PDZD2: variants seen among roughly 807,000 people sequenced by gnomAD.
PDZD2 encodes PDZ domain-containing protein 2.
In PDZD2, 90 loss-of-function variants were observed where a neutral mutation model predicts 220.7. The ratio of observed to expected loss-of-function variants is 0.41; its 90% CI spans 0.34 to 0.49. The LOEUF (loss-of-function observed/expected upper bound fraction) is 0.49, where lower values mean the gene tolerates loss of function less well. PDZD2 is among the 20% of genes least tolerant of loss of function. The pLI is 0.28. For synonymous variants in PDZD2, 1,375 were observed against 1,450.5 expected, an observed-to-expected ratio of 0.95 and a Z score of 1.18; for missense variants, 3,174 against 3,608.5, an observed-to-expected ratio of 0.88 and a Z score of 3.08.
At chr5:31,878,783 G>A (rs551369395) in intron 2 of PDZD2, among the ~76,000 whole-genome samples, 56 of 151,496 alleles carry the variant, frequency 3.7e-4, no homozygotes, top group African/African-American at 1.3e-3. Flanking sequence ...GGATGGTCTC[G>A]ATCTCCTGAC....
At chr5:31,916,036 C>G (rs1246748540) in intron 2 of PDZD2, among the ~76,000 whole-genome samples, 2 of 152,136 alleles carry the variant, frequency 1.3e-5, no homozygotes, top group Admixed American at 6.5e-5. Flanking sequence ...TGTAGGTGCT[C>G]ATAAAGTCTA....
At chr5:32,030,269 C>A (rs1755019740) in intron 6 of PDZD2, among the ~76,000 whole-genome samples, 1 of 152,232 alleles carries the variant, frequency 6.6e-6, no homozygotes, top group African/African-American at 2.4e-5. Flanking sequence ...TGGAAAAACA[C>A]CCTCCGCAGA....
intron 2 of PDZD2, among the ~76,000 whole-genome samples, chr5:31,926,070 A>C (rs984926917): frequency 3.9e-5 from 6 of 152,086 alleles, no homozygotes; most frequent in African/African-American, 2.4e-5. Flanking sequence ...AAAGTAAAAA[A>C]AATTAGCCAG....
chr5:32,001,981 C>G (rs1268240272), intron 5 of PDZD2, among the ~76,000 whole-genome samples: 1 of 152,186 alleles, frequency 6.6e-6, no homozygotes, highest in Non-Finnish European at 1.5e-5. Flanking sequence ...TGCAGCATGA[C>G]GCTCTTGCTA....
intron 2 of PDZD2, among the ~76,000 whole-genome samples, chr5:31,857,756 A>G (rs527981768): frequency 2.0e-5 from 3 of 152,012 alleles, no homozygotes; most frequent in Admixed American, 6.6e-5. Context: ...GGCTTTCTCA[A>G]TCTAGAAACT....
chr5:31,824,684 G>GAAA (rs61458710), intron 2 of PDZD2, among the ~76,000 whole-genome samples: 1 of 140,166 alleles, frequency 7.1e-6, no homozygotes, highest in Non-Finnish European at 1.5e-5. Context: ...TGTCTAACCT[G>GAAA]AAAAAAAAAA....
At chr5:31,927,400 T>C (rs768413151) in intron 2 of PDZD2, among the ~76,000 whole-genome samples, 14 of 152,270 alleles carry the variant, frequency 9.2e-5, no homozygotes, top group Non-Finnish European at 1.8e-4. Context: ...TGTTTGTTTG[T>C]TTGAGACAGT....
At chr5:31,894,197 G>A (rs1436702765) in intron 2 of PDZD2, among the ~76,000 whole-genome samples, 1 of 151,462 alleles carries the variant, frequency 6.6e-6, no homozygotes, top group East Asian at 2.0e-4. Context: ...ACAGACGTGA[G>A]CCACCGTGCT....
chr5:31,940,826 A>C (rs1746148367), intron 2 of PDZD2, among the ~76,000 whole-genome samples: 1 of 152,224 alleles, frequency 6.6e-6, no homozygotes, highest in Non-Finnish European at 1.5e-5. Flanking sequence ...GGGGCAGAAC[A>C]TCAGTGCAGA....
At chr5:31,863,411 G>T (rs1229551156) in intron 2 of PDZD2, among the ~76,000 whole-genome samples, 1 of 152,178 alleles carries the variant, frequency 6.6e-6, no homozygotes, top group Non-Finnish European at 1.5e-5. Context: ...TCCCTGAAGT[G>T]GTGCCTGCCT....
intron 3 of PDZD2, among the ~76,000 whole-genome samples, chr5:31,993,002 A>G (rs754555181): frequency 7.2e-5 from 11 of 152,208 alleles, no homozygotes; most frequent in Non-Finnish European, 1.5e-4. Flanking sequence ...GTTCTTTTCA[A>G]TGGTATCCAC....
In PDZD2 at chr5:32,088,141, C is replaced by T. The variant is rs1408125588; in HGVS notation, c.4693C>T (p.Leu1565Phe). The T allele has an allele frequency of 6.2e-7, 1 of 1,614,126 alleles. No individual in the cohort carries two copies. Among genetic ancestry groups the T allele is most frequent in the Non-Finnish European group, 8.5e-7 (1 of 1,180,044 alleles). ...GGATTCTTCTTCTGACCCTGAGTCACTCACTGAAGCCCCACGAGCTTCTGC... is the reference window on the plus strand; with the variant it reads ...GGATTCTTCTTCTGACCCTGAGTCATTCACTGAAGCCCCACGAGCTTCTGC... Reference protein sequence around the residue: ...AEDSSSDPESLTEAPRASARD... With the variant: ...AEDSSSDPESFTEAPRASARD... Residue 1565 changes from leucine to phenylalanine, a missense_variant, in exon 20 of 25, where the codon CTC becomes TTC. Leu to Phe is a conservative substitution (Grantham distance 22). Around this residue, in one of 4 missense-constraint regions of PDZD2, gnomAD observed 1,861 missense variants for 2,001.0 expected, o/e 0.93. Coordinates refer to ENST00000438447, the MANE Select transcript of PDZD2 (RefSeq NM_178140.4). This position sits in a 1 kb window ranked among gnomAD's most constrained non-coding sequence, Gnocchi z 4.6.
chr5:31,758,742 T>C (rs897866680), intron 1 of PDZD2, among the ~76,000 whole-genome samples: 2 of 152,186 alleles, frequency 1.3e-5, no homozygotes, highest in Non-Finnish European at 2.9e-5. Context: ...CCCTTCCATC[T>C]TCATTCTCCA....
At chr5:31,755,378 A>G (rs1456168124) in intron 1 of PDZD2, among the ~76,000 whole-genome samples, 1 of 152,228 alleles carries the variant, frequency 6.6e-6, no homozygotes, top group African/African-American at 2.4e-5. Flanking sequence ...GGCAATGGCC[A>G]TTTTAACCGG....
chr5:31,765,195 C>T (rs989192591), intron 1 of PDZD2, among the ~76,000 whole-genome samples: 3 of 152,220 alleles, frequency 2.0e-5, no homozygotes, highest in African/African-American at 7.2e-5. Flanking sequence ...ACCCAGACCT[C>T]ATCCACTGCC....
intron 2 of PDZD2, chr5:31,854,902 G>C: frequency 2.3e-6 from 2 of 869,360 alleles, no homozygotes; most frequent in Non-Finnish European, 1.4e-6. Context: ...CTCCACCGCG[G>C]CGCGGAGGGA....
Position 32,110,923 on chromosome 5 carries a change from T to C in PDZD2, c.*2788T>C, listed in dbSNP as rs1164030780. On this transcript the variant is annotated 3_prime_UTR_variant, in exon 25 of 25. Transcript: ENST00000438447. ...TTTTAAAAAAAATAAACACTCTGCT[T>C]ACTACTTGATTTTTTTTTTCTCTTT... The C allele has an allele frequency of 6.6e-6, 1 of 152,168 alleles. No individual in the cohort carries two copies. Among genetic ancestry groups the C allele is most frequent in the Non-Finnish European group, 1.5e-5 (1 of 68,052 alleles). The allele number at this position is 152,168 out of a possible 1,614,324, so 9.4% of individuals were successfully genotyped here.
At chr5:32,017,651 G>A (rs1753881074) in intron 6 of PDZD2, among the ~76,000 whole-genome samples, 1 of 152,092 alleles carries the variant, frequency 6.6e-6, no homozygotes, top group Admixed American at 6.6e-5. Context: ...GGATATTTGT[G>A]GTAGCATCTC....
At chr5:32,069,496 TG>T in intron 14 of PDZD2, 72 bp from the exon 15 acceptor site, 1 of 857,366 alleles carries the variant, frequency 1.2e-6, no homozygotes, top group Non-Finnish European at 2.0e-6. Flanking sequence ...ACTCTGACTC[TG>T]GTCCTAGGTA....
Sources: allele counts gnomAD v4.1 joint callset (sites outside exome capture counted in the v4.1 genomes callset), GRCh38; gene constraint gnomAD v4.1.1; regional missense constraint gnomAD v4.1.1; non-coding constraint Gnocchi (gnomAD v3.1); transcripts MANE v1.5; gene names NCBI Gene and HGNC (gene_info 2026-07-23, HGNC 2026-07-21).